AGBL4: variants seen among roughly 807,000 people sequenced by gnomAD.
The protein encoded by AGBL4 is cytosolic carboxypeptidase 6.
A neutral mutation model predicts 66.4 loss-of-function variants in AGBL4; 58 were observed. The observed-to-expected ratio is 0.87, with a 90% confidence interval of 0.71 to 1.09. AGBL4 has a LOEUF of 1.09. AGBL4 is among the 50% of genes least tolerant of loss of function. The probability of loss-of-function intolerance (pLI) is 0.00; values close to 1 mark genes in which losing one functional copy is unlikely to be tolerated. For synonymous variants in AGBL4, 234 were observed against 222.9 expected, an observed-to-expected ratio of 1.05 and a Z score of -0.44; for missense variants, 579 against 631.0, an observed-to-expected ratio of 0.92 and a Z score of 0.88.
chr1:49,679,914 T>C (rs1426428397), intron 3 of AGBL4, among the ~76,000 whole-genome samples: 3 of 152,188 alleles, frequency 2.0e-5, no homozygotes, highest in Admixed American at 1.3e-4. Context: ...TCTACATGCA[T>C]TGAACTGCAT....
intron 3 of AGBL4, among the ~76,000 whole-genome samples, chr1:49,482,306 G>C (rs1646971547): frequency 1.3e-5 from 2 of 151,934 alleles, no homozygotes; most frequent in Non-Finnish European, 2.9e-5. Context: ...CTTCATTACT[G>C]CCTCAGAGCT....
At chr1:49,386,329 TA>T (rs1213649145) in intron 3 of AGBL4, among the ~76,000 whole-genome samples, 1 of 151,672 alleles carries the variant, frequency 6.6e-6, no homozygotes, top group Non-Finnish European at 1.5e-5. Context: ...AATCATGGTG[TA>T]ACCATGCAAT....
At chr1:49,916,950 A>G (rs1248912011) in intron 1 of AGBL4, among the ~76,000 whole-genome samples, 2 of 152,192 alleles carry the variant, frequency 1.3e-5, no homozygotes, top group African/African-American at 2.4e-5. Context: ...AAAGAAAAGA[A>G]TTTTCAACCT....
intron 3 of AGBL4, among the ~76,000 whole-genome samples, chr1:49,360,492 TTAAAAG>T (rs1644114656): frequency 1.3e-5 from 2 of 152,338 alleles, no homozygotes; most frequent in African/African-American, 4.8e-5. Context: ...GTGAATTTAA[TTAAAAG>T]TCCTAAGCAC....
intron 3 of AGBL4, among the ~76,000 whole-genome samples, chr1:49,406,972 G>A: frequency 6.6e-6 from 1 of 150,382 alleles, no homozygotes; most frequent in East Asian, 2.0e-4. Context: ...GGCTGAGGCA[G>A]GAGAATGGCG....
intron 3 of AGBL4, among the ~76,000 whole-genome samples, chr1:49,577,249 G>A (rs1006236287): frequency 6.6e-6 from 1 of 152,222 alleles, no homozygotes; most frequent in Non-Finnish European, 1.5e-5. Flanking sequence ...GACTCATTTT[G>A]TGGATACCAC....
Position 48,534,182 on chromosome 1 carries a change from G to C in AGBL4, c.1503C>G (p.Thr501=), listed in dbSNP as rs751591163. The change falls in exon 14 of 14, where the codon ACC becomes ACG. Residue 501 remains threonine, a synonymous_variant. Transcript: ENST00000371839. ...CCAGGACTCCGTGTCTTTAAAAAGG[G>C]GTTGAAGGGTCTTTGTGGTTCACTG... ...KSSVNHKDPS[T]PF 3.2e-6 allele frequency: 5 copies of C among 1,551,394 alleles called. No homozygotes were observed. The highest frequency in any genetic ancestry group is 4.4e-6 in the Non-Finnish European group (5 of 1,146,888).
intron 3 of AGBL4, among the ~76,000 whole-genome samples, chr1:49,253,063 A>T (rs1652195675): frequency 6.6e-6 from 1 of 152,160 alleles, no homozygotes. Flanking sequence ...ATCAATACTA[A>T]CTTTAAATGT....
At chr1:49,774,438 C>T (rs560415013) in intron 2 of AGBL4, among the ~76,000 whole-genome samples, 1 of 151,998 alleles carries the variant, frequency 6.6e-6, no homozygotes, top group Non-Finnish European at 1.5e-5. Flanking sequence ...CTCTGTCCAC[C>T]CTGTTGAAAT....
chr1:48,982,654 A>G (rs960917779), intron 5 of AGBL4, among the ~76,000 whole-genome samples: 1 of 152,138 alleles, frequency 6.6e-6, no homozygotes, highest in Non-Finnish European at 1.5e-5. Flanking sequence ...TAGTGCCGCA[A>G]TAAACATACG....
intron 6 of AGBL4, among the ~76,000 whole-genome samples, chr1:48,848,127 G>T (rs1004567303): frequency 6.6e-6 from 1 of 152,124 alleles, no homozygotes; most frequent in African/African-American, 2.4e-5. Context: ...TGAAGCCAGG[G>T]GACACTGAGA....
At chr1:48,867,064 G>A (rs1415301780) in intron 6 of AGBL4, 127 bp downstream of exon 6, 2 of 1,052,320 alleles carry the variant, frequency 1.9e-6, no homozygotes, top group African/African-American at 1.6e-5. Flanking sequence ...AATCATTCAT[G>A]GTGCAAGAGT....
intron 3 of AGBL4, among the ~76,000 whole-genome samples, chr1:49,271,678 C>T (rs1470104019): frequency 6.6e-6 from 1 of 152,018 alleles, no homozygotes; most frequent in Non-Finnish European, 1.5e-5. Flanking sequence ...TTCTTTCTTA[C>T]AAAATATTCT....
intron 3 of AGBL4, among the ~76,000 whole-genome samples, chr1:49,598,717 C>T (rs573974290): frequency 2.2e-4 from 34 of 152,172 alleles, no homozygotes; most frequent in African/African-American, 6.3e-4. Flanking sequence ...TCTCCAGCTG[C>T]GTGCTGGGAG....
chr1:49,760,727 T>C (rs1312369930), intron 2 of AGBL4, among the ~76,000 whole-genome samples: 1 of 152,146 alleles, frequency 6.6e-6, no homozygotes, highest in African/African-American at 2.4e-5. Context: ...CACAAGTATG[T>C]TTATTGCAGC....
Position 48,663,224 on chromosome 1 carries a change from C to T in AGBL4, c.652G>A (p.Ala218Thr). 1 of 1,613,874 alleles carries T rather than the reference C, an allele frequency of 6.2e-7. No homozygotes were observed. Among genetic ancestry groups the T allele is most frequent in the Non-Finnish European group, 8.5e-7 (1 of 1,179,850 alleles). Reference sequence around the variant, plus strand: ...GTGATGAATACCACCTTCTGCTCTGCCCCTTCCCGGAGATTGTCTGTAAGA... The same window carrying T: ...GTGATGAATACCACCTTCTGCTCTGTCCCTTCCCGGAGATTGTCTGTAAGA... ...ITSPDNLREG[A>T]EQKVVFITGR... is the part of the protein sequence containing the mutation. The change falls in exon 7 of 14, where the codon GCA becomes ACA. Residue 218 changes from alanine (A) to threonine (T), a missense_variant. By Grantham distance (58) the Ala-to-Thr change is moderately conservative (BLOSUM62 0). Coordinates refer to ENST00000371839, the MANE Select transcript of AGBL4 (RefSeq NM_032785.4).
intron 4 of AGBL4, among the ~76,000 whole-genome samples, chr1:49,085,859 G>A (rs1219789641): frequency 6.6e-6 from 1 of 152,120 alleles, no homozygotes; most frequent in East Asian, 1.9e-4. Context: ...AGAGCCACCT[G>A]GACATTTTGT....
intron 3 of AGBL4, among the ~76,000 whole-genome samples, chr1:49,683,972 A>G (rs1646743746): frequency 6.6e-6 from 1 of 152,184 alleles, no homozygotes; most frequent in Non-Finnish European, 1.5e-5. Context: ...TTAGTTTATC[A>G]TCCTGCAGAA....
At chr1:49,000,707 C>T (rs2148990618) in intron 5 of AGBL4, among the ~76,000 whole-genome samples, 1 of 152,268 alleles carries the variant, frequency 6.6e-6, no homozygotes, top group South Asian at 2.1e-4. Context: ...GGACTAGCTG[C>T]TCTTTAAAGA....
Sources: gnomAD v4.1 joint callset for allele counts (sites outside exome capture counted in the v4.1 genomes callset) on GRCh38, gnomAD v4.1.1 for gene constraint, MANE v1.5 for transcripts, NCBI Gene and HGNC (gene_info 2026-07-23, HGNC 2026-07-21) for gene names.